Variants in ZFHX3 observed in about 807,000 individuals in gnomAD.
ZFHX3 encodes zinc finger homeobox 3.
A neutral mutation model predicts 279.1 loss-of-function variants in ZFHX3; 42 were observed. The observed-to-expected ratio is 0.15, with a 90% confidence interval of 0.12 to 0.19. The LOEUF is 0.19. Ranked by LOEUF, ZFHX3 falls within the 10% of genes least tolerant of loss-of-function variation. ZFHX3 has a pLI of 1.00. For missense variants in ZFHX3, 4,981 were observed against 4,754.0 expected, an observed-to-expected ratio of 1.05 and a Z score of -1.40; for synonymous variants, 2,293 against 1,957.8, an observed-to-expected ratio of 1.17 and a Z score of -4.52.
intron 3 of ZFHX3, among the ~76,000 whole-genome samples, chr16:73,384,239 T>C (rs891662156): frequency 3.9e-5 from 6 of 152,210 alleles, no homozygotes; most frequent in Admixed American, 6.5e-5. Flanking sequence ...TGTTTACATA[T>C]AGTCTATGGG....
At chr16:73,403,098 G>T (rs112344135) in intron 3 of ZFHX3, among the ~76,000 whole-genome samples, 2 of 152,096 alleles carry the variant, frequency 1.3e-5, no homozygotes, top group African/African-American at 4.8e-5. Context: ...ACGTGTGGGC[G>T]CACGGTCCAC....
At chr16:72,902,223 C>T (rs1048953848) in intron 3 of ZFHX3, among the ~76,000 whole-genome samples, 2 of 152,180 alleles carry the variant, frequency 1.3e-5, no homozygotes, top group African/African-American at 2.4e-5. Flanking sequence ...ATCATCCTAA[C>T]GGATGACAGA....
At chr16:72,960,409 C>A (rs567407516) in intron 1 of ZFHX3, among the ~76,000 whole-genome samples, 1 of 152,172 alleles carries the variant, frequency 6.6e-6, no homozygotes, top group Non-Finnish European at 1.5e-5. Context: ...ACAGCCTGAG[C>A]GAGGGATATG....
At chr16:73,842,163 C>T (rs1050522973) in intron 1 of ZFHX3, among the ~76,000 whole-genome samples, 1 of 151,882 alleles carries the variant, frequency 6.6e-6, no homozygotes, top group Non-Finnish European at 1.5e-5. Flanking sequence ...TTGCAGTGAG[C>T]CGAGATTGCA....
At chr16:72,962,853 G>A (rs566811235) in intron 1 of ZFHX3, among the ~76,000 whole-genome samples, 3 of 152,146 alleles carry the variant, frequency 2.0e-5, no homozygotes, top group Non-Finnish European at 4.4e-5. Flanking sequence ...TGTGGTCCCT[G>A]GGAGGTGCAG....
At chr16:73,222,037 A>G (rs781185038) in intron 5 of ZFHX3, among the ~76,000 whole-genome samples, 5 of 152,060 alleles carry the variant, frequency 3.3e-5, no homozygotes, top group Non-Finnish European at 5.9e-5. Flanking sequence ...TAACTCAATG[A>G]TGAACTCTTT....
At position 72,878,741 on chromosome 16, in the gene ZFHX3, C is replaced by T. The variant is rs191229019; in HGVS notation, c.3448+10990G>A. Among the ~76,000 whole-genome samples the T allele has an allele frequency of 3.2e-3, 493 of 152,314 alleles. 1 individual carries two copies. Among genetic ancestry groups the T allele is most frequent in the Non-Finnish European group, 4.8e-3 (325 of 68,038 alleles). ...GTCAGCCTGCAGCAAGGAGGCCAGA[C>T]GCAGTGGGAAGAGCACAGCCCTGGG... On this transcript the variant is annotated intron_variant, in intron 4 of 9. Coordinates refer to ENST00000268489, the MANE Select transcript of ZFHX3 (RefSeq NM_006885.4).
chr16:73,183,589 T>C (rs1056329644), intron 5 of ZFHX3, among the ~76,000 whole-genome samples: 26 of 152,344 alleles, frequency 1.7e-4, no homozygotes, highest in African/African-American at 6.0e-4. Flanking sequence ...CATCAGCCTC[T>C]GGAGATGGTT....
At chr16:73,703,681 G>A (rs2053274862) in intron 1 of ZFHX3, among the ~76,000 whole-genome samples, 1 of 152,086 alleles carries the variant, frequency 6.6e-6, no homozygotes, top group African/African-American at 2.4e-5. Flanking sequence ...AGTCCCGGGA[G>A]GTGCCTGGCA....
At chr16:73,742,335 A>C (rs1396333425) in intron 1 of ZFHX3, among the ~76,000 whole-genome samples, 1 of 152,130 alleles carries the variant, frequency 6.6e-6, no homozygotes. Context: ...TTACTTACAA[A>C]ATGTGTTTGA....
intron 4 of ZFHX3, among the ~76,000 whole-genome samples, chr16:73,258,512 G>C (rs150720172): frequency 6.6e-6 from 1 of 151,978 alleles, no homozygotes; most frequent in East Asian, 1.9e-4. Context: ...ACCACACCTG[G>C]CTAATTTTTT....
rs1396944215 is a variant in ZFHX3 at position 73,446,642 on chromosome 16, C to T, written c.-1291+9361G>A. Among the ~76,000 whole-genome samples the T allele has an allele frequency of 2.0e-5, 3 of 152,086 alleles. No individual in the cohort carries two copies. In the East Asian group the frequency reaches 5.8e-4, roughly 29 times the overall value. On this transcript the variant is annotated intron_variant, in intron 3 of 17. Coordinates refer to the ZFHX3 transcript ENST00000641206. ...GCAAACTAACACAGGAATAGAAAAC[C>T]AAGTGCTGCATGTTCTCACTTATAA... is the stretch of plus-strand genomic sequence containing the variant.
At chr16:73,339,541 G>A (rs1221782343) in intron 3 of ZFHX3, among the ~76,000 whole-genome samples, 1 of 152,114 alleles carries the variant, frequency 6.6e-6, no homozygotes, top group Non-Finnish European at 1.5e-5. Flanking sequence ...TCGTCTTTTT[G>A]TTCCACAACA....
At chr16:73,773,201 T>A (rs1297040738) in intron 1 of ZFHX3, among the ~76,000 whole-genome samples, 1 of 152,244 alleles carries the variant, frequency 6.6e-6, no homozygotes, top group African/African-American at 2.4e-5. Context: ...CAGTGGCTAG[T>A]GGCTACCGTG....
intron 1 of ZFHX3, among the ~76,000 whole-genome samples, chr16:72,974,984 G>A (rs1416604611): frequency 1.3e-5 from 2 of 152,132 alleles, no homozygotes; most frequent in Non-Finnish European, 2.9e-5. Flanking sequence ...TCAAATCCTA[G>A]AGGCCCAGAG....
chr16:73,702,724 T>C (rs1483866933), intron 1 of ZFHX3, among the ~76,000 whole-genome samples: 1 of 152,116 alleles, frequency 6.6e-6, no homozygotes, highest in Non-Finnish European at 1.5e-5. Flanking sequence ...AAGGTAGGAC[T>C]TCAGTGGAAA....
At chr16:73,629,891 C>T (rs1049453710) in intron 2 of ZFHX3, among the ~76,000 whole-genome samples, 5 of 152,096 alleles carry the variant, frequency 3.3e-5, no homozygotes, top group Admixed American at 1.3e-4. Flanking sequence ...CTCTTTCAAC[C>T]GCACAAGAAA....
intron 9 of ZFHX3, chr16:72,791,007 A>ACACT (rs67560510): frequency 1.3e-5 from 2 of 152,056 alleles, no homozygotes; most frequent in Non-Finnish European, 2.9e-5. Flanking sequence ...GTAGCTCAAC[A>ACACT]CACTCACAAC....
chr16:72,799,932 G>A (rs2036043946), intron 8 of ZFHX3, 95 bp downstream of exon 8: 1 of 1,099,024 alleles, frequency 9.1e-7, no homozygotes, highest in Admixed American at 1.7e-5. Flanking sequence ...TTCACCTTAA[G>A]AGTATTGTAA....
Sources: allele counts gnomAD v4.1 joint callset (sites outside exome capture counted in the v4.1 genomes callset), GRCh38; gene constraint gnomAD v4.1.1; transcripts MANE v1.5; gene names NCBI Gene and HGNC (gene_info 2026-07-23, HGNC 2026-07-21).